ANKRD30B: variants seen among roughly 807,000 people sequenced by gnomAD.
ANKRD30B encodes ankyrin repeat domain-containing protein 30B.
Under a neutral mutation model 202.2 loss-of-function variants are expected in ANKRD30B, and 144 were observed. The observed-to-expected ratio is 0.71, with a 90% CI of 0.62 to 0.82. ANKRD30B has a LOEUF of 0.82. Among genes scored for constraint, ANKRD30B ranks in the 40% least tolerant of loss-of-function variants. The pLI is 0.00. For missense variants in ANKRD30B, 1,487 were observed against 1,669.1 expected, an observed-to-expected ratio of 0.89 and a Z score of 1.90; for synonymous variants, 508 against 561.3, an observed-to-expected ratio of 0.91 and a Z score of 1.34.
chr18:14,757,676 T>C (rs1356777454), intron 4 of ANKRD30B, 139 bp from the exon 5 acceptor site: 3 of 902,936 alleles, frequency 3.3e-6, no homozygotes, highest in African/African-American at 1.7e-5. Context: ...CTTTTAGATT[T>C]GGTGGTGATT....
chr18:14,912,142 A>G, the ANKRD30B span, among the ~76,000 whole-genome samples: 1 of 152,178 alleles, frequency 6.6e-6, no homozygotes, highest in Non-Finnish European at 1.5e-5. Context: ...TGGCAAGGAC[A>G]TTCAGTACTA....
At chr18:14,759,497 C>T (rs1486079432) in intron 5 of ANKRD30B, among the ~76,000 whole-genome samples, 1 of 152,094 alleles carries the variant, frequency 6.6e-6, no homozygotes, top group African/African-American at 2.4e-5. Flanking sequence ...GAGAAAATAC[C>T]AACTTGCATC....
chr18:14,807,808 A>G (rs1019021562), intron 24 of ANKRD30B, among the ~76,000 whole-genome samples: 3 of 151,092 alleles, frequency 2.0e-5, no homozygotes, highest in African/African-American at 7.3e-5. Flanking sequence ...CTGGAGATAC[A>G]GGCATGAGCC....
At chr18:14,755,579 G>C (rs757230609) in intron 4 of ANKRD30B, among the ~76,000 whole-genome samples, 3 of 151,850 alleles carry the variant, frequency 2.0e-5, no homozygotes, top group Non-Finnish European at 4.4e-5. Context: ...ACAGTCCCTG[G>C]TGTGTGATGT....
At chr18:14,828,229 T>A in intron 32 of ANKRD30B, 49 bp from the exon 33 acceptor site, 1 of 1,382,916 alleles carries the variant, frequency 7.2e-7, no homozygotes, top group Non-Finnish European at 9.9e-7. Flanking sequence ...ATTCTGTATT[T>A]TTTATTTATA....
chr18:14,906,220 A>G, the ANKRD30B span, among the ~76,000 whole-genome samples: 1 of 152,102 alleles, frequency 6.6e-6, no homozygotes, highest in Non-Finnish European at 1.5e-5. Context: ...TCTGCTTTTC[A>G]AATGCCTGCC....
At chr18:14,807,503 G>T (rs1452553666) in intron 24 of ANKRD30B, among the ~76,000 whole-genome samples, 5 of 147,948 alleles carry the variant, frequency 3.4e-5, no homozygotes, top group African/African-American at 1.3e-4. Flanking sequence ...TCTGGAAATT[G>T]ACATCTAATT....
At chr18:14,834,120 T>C (rs900652186) in intron 34 of ANKRD30B, among the ~76,000 whole-genome samples, 1 of 152,162 alleles carries the variant, frequency 6.6e-6, no homozygotes, top group Non-Finnish European at 1.5e-5. Context: ...CTATACCATT[T>C]CAATGCAAAC....
chr18:14,935,056 A>C, the ANKRD30B span, among the ~76,000 whole-genome samples: 8 of 152,110 alleles, frequency 5.3e-5, no homozygotes, highest in South Asian at 1.2e-3. Flanking sequence ...CACCCCACTT[A>C]AGTGGAGACT....
At chr18:14,940,766 A>T in the ANKRD30B span, among the ~76,000 whole-genome samples, 1 of 152,204 alleles carries the variant, frequency 6.6e-6, no homozygotes, top group Admixed American at 6.5e-5. Context: ...CTGGGAATTG[A>T]CAATCTCTTT....
At chr18:14,766,134 T>C (rs2143755335) in intron 7 of ANKRD30B, among the ~76,000 whole-genome samples, 1 of 152,060 alleles carries the variant, frequency 6.6e-6, no homozygotes, top group East Asian at 1.9e-4. Flanking sequence ...AGGTCTTAAG[T>C]TTACAGACTG....
chr18:14,757,114 A>G (rs1178636904), intron 4 of ANKRD30B, among the ~76,000 whole-genome samples: 1 of 151,890 alleles, frequency 6.6e-6, no homozygotes. Context: ...GGGTAGAGGG[A>G]AGAAAGACAT....
At chr18:14,928,728 C>A in the ANKRD30B span, among the ~76,000 whole-genome samples, 1 of 152,178 alleles carries the variant, frequency 6.6e-6, no homozygotes, top group East Asian at 1.9e-4. Flanking sequence ...GCCTCTCCCT[C>A]CTCTATTGGT....
At chr18:14,864,689 T>TC in the ANKRD30B span, among the ~76,000 whole-genome samples, 81,528 of 150,924 alleles carry the variant, frequency 0.54, 22,279 homozygotes, top group African/African-American at 0.6. Flanking sequence ...CTCCTTCAAC[T>TC]CCCAAAAACA....
intron 9 of ANKRD30B, among the ~76,000 whole-genome samples, chr18:14,772,722 T>TCATAA (rs1967086759): frequency 6.6e-6 from 1 of 151,672 alleles, no homozygotes; most frequent in Non-Finnish European, 1.5e-5. Context: ...TTTTTTTTTT[T>TCATAA]TTTTTGCATG....
intron 30 of ANKRD30B, among the ~76,000 whole-genome samples, chr18:14,820,153 GCTCT>G (rs1310535867): frequency 6.6e-6 from 1 of 151,784 alleles, no homozygotes; most frequent in African/African-American, 2.4e-5. Context: ...TCATGATTTG[GCTCT>G]CTGTTTGTCT....
At chr18:14,806,652 A>G (rs1301160519) in intron 24 of ANKRD30B, among the ~76,000 whole-genome samples, 1 of 149,164 alleles carries the variant, frequency 6.7e-6, no homozygotes, top group East Asian at 1.9e-4. Context: ...ATGCCAAGTG[A>G]TAAACGGTTC....
At chr18:14,900,956 A>G in the ANKRD30B span, among the ~76,000 whole-genome samples, 1 of 152,164 alleles carries the variant, frequency 6.6e-6, no homozygotes, top group African/African-American at 2.4e-5. Context: ...GAAATAAATA[A>G]TTTTTTAAGC....
chr18:14,844,265 C>T (rs188642515), intron 39 of ANKRD30B, among the ~76,000 whole-genome samples: 1 of 152,208 alleles, frequency 6.6e-6, no homozygotes, highest in Non-Finnish European at 1.5e-5. Flanking sequence ...TTGGTTTTTA[C>T]CTACTGATTT....
Sources: gnomAD v4.1 joint callset for allele counts (sites outside exome capture counted in the v4.1 genomes callset) on GRCh38, gnomAD v4.1.1 for gene constraint, MANE v1.5 for transcripts, NCBI Gene and HGNC (gene_info 2026-07-23, HGNC 2026-07-21) for gene names.